SGCZ: variants seen among roughly 807,000 people sequenced by gnomAD.
The protein encoded by SGCZ is zeta-sarcoglycan.
In SGCZ, 40 loss-of-function variants were observed where a neutral mutation model predicts 41.3. The observed-to-expected ratio is 0.97, with a 90% CI of 0.75 to 1.26. SGCZ has a LOEUF of 1.26. SGCZ is among the 50% of genes most tolerant of loss of function. The probability of loss-of-function intolerance (pLI) is 0.00; values close to 1 mark genes in which losing one functional copy is unlikely to be tolerated. For synonymous variants in SGCZ, 206 were observed against 137.5 expected (o/e 1.50, Z -3.49); for missense variants, 552 against 369.8 (o/e 1.49, Z -4.04).
chr8:14,177,958 C>CTTTTTTTTTTTTTTTTT (rs147303437), intron 4 of SGCZ, among the ~76,000 whole-genome samples: 2 of 95,050 alleles, frequency 2.1e-5, no homozygotes, highest in African/African-American at 3.7e-5. Flanking sequence ...CTTTTTTTTT[C>CTTTTTTTTTTTTTTTTT]TTTTTTTTTT....
intron 5 of SGCZ, among the ~76,000 whole-genome samples, chr8:14,156,075 G>C (rs577516142): frequency 6.6e-6 from 1 of 152,304 alleles, no homozygotes; most frequent in South Asian, 2.1e-4. Context: ...CTCTGGATGA[G>C]TCGGTGAGTG....
At chr8:14,848,131 A>G (rs1403574046) in intron 1 of SGCZ, among the ~76,000 whole-genome samples, 1 of 152,148 alleles carries the variant, frequency 6.6e-6, no homozygotes, top group Non-Finnish European at 1.5e-5. Flanking sequence ...GTAGCATAAA[A>G]TTATAAAATT....
At chr8:14,204,481 C>T (rs796710593) in intron 4 of SGCZ, among the ~76,000 whole-genome samples, 13 of 152,118 alleles carry the variant, frequency 8.5e-5, no homozygotes, top group African/African-American at 1.2e-4. Flanking sequence ...CCTTGAAGCA[C>T]GTAAGGTAAA....
intron 1 of SGCZ, among the ~76,000 whole-genome samples, chr8:14,699,699 A>C (rs923124268): frequency 7.2e-5 from 11 of 151,976 alleles, no homozygotes; most frequent in Admixed American, 5.3e-4. Flanking sequence ...ATGGGAATAC[A>C]TCTTCACAAA....
At chr8:15,097,282 T>A (rs1373608689) in intron 1 of SGCZ, among the ~76,000 whole-genome samples, 1 of 152,146 alleles carries the variant, frequency 6.6e-6, no homozygotes, top group African/African-American at 2.4e-5. Context: ...GCCTTTATAA[T>A]CTTATATATT....
chr8:14,538,184 T>A (rs905508336), intron 2 of SGCZ, among the ~76,000 whole-genome samples: 36 of 151,998 alleles, frequency 2.4e-4, no homozygotes, highest in African/African-American at 8.2e-4. Flanking sequence ...CTTGTCCCCA[T>A]CCTACATTTG....
intron 1 of SGCZ, among the ~76,000 whole-genome samples, chr8:14,879,456 CT>C (rs1804494922): frequency 6.6e-6 from 1 of 151,950 alleles, no homozygotes; most frequent in African/African-American, 2.4e-5. Context: ...ACTAGCCAAG[CT>C]TTTTTTGAAT....
chr8:14,187,566 T>C (rs1352906813), intron 4 of SGCZ, among the ~76,000 whole-genome samples: 1 of 151,910 alleles, frequency 6.6e-6, no homozygotes. Flanking sequence ...TTGAGAAATA[T>C]ACTGATTGAA....
intron 2 of SGCZ, among the ~76,000 whole-genome samples, chr8:14,400,258 C>T (rs1799035035): frequency 6.6e-6 from 1 of 151,956 alleles, no homozygotes. Context: ...TTTATCCATT[C>T]ATCAGTTGAC....
chr8:14,611,462 A>G (rs1044729694), intron 1 of SGCZ, among the ~76,000 whole-genome samples: 7 of 152,170 alleles, frequency 4.6e-5, no homozygotes, highest in African/African-American at 1.2e-4. Flanking sequence ...TTTAAATTCC[A>G]TTTTATCGGT....
At chr8:14,316,342 C>A (rs1469733938) in intron 3 of SGCZ, among the ~76,000 whole-genome samples, 1 of 151,928 alleles carries the variant, frequency 6.6e-6, no homozygotes, top group Non-Finnish European at 1.5e-5. Context: ...AAGGAAAGTT[C>A]ATCTCAATAA....
chr8:14,185,531 T>C (rs914892628), intron 4 of SGCZ, among the ~76,000 whole-genome samples: 1 of 152,216 alleles, frequency 6.6e-6, no homozygotes, highest in East Asian at 1.9e-4. Context: ...GCTTCAGACC[T>C]CATTTCATGT....
intron 1 of SGCZ, among the ~76,000 whole-genome samples, chr8:14,829,342 G>C (rs1320617146): frequency 1.3e-5 from 2 of 152,126 alleles, no homozygotes; most frequent in African/African-American, 2.4e-5. Context: ...CAATTCTTCA[G>C]GGATAGACTA....
intron 3 of SGCZ, among the ~76,000 whole-genome samples, chr8:14,257,835 G>A (rs538378297): frequency 6.6e-6 from 1 of 152,010 alleles, no homozygotes; most frequent in African/African-American, 2.4e-5. Context: ...AAATTTCTTT[G>A]GCAATTTGTG....
At chr8:14,629,453 A>G (rs1806574131) in intron 1 of SGCZ, among the ~76,000 whole-genome samples, 3 of 152,168 alleles carry the variant, frequency 2.0e-5, no homozygotes, top group South Asian at 4.1e-4. Context: ...TCCATCAAAA[A>G]TAACTTTATT....
At chr8:14,534,095 G>A (rs10097996) in intron 2 of SGCZ, among the ~76,000 whole-genome samples, 98,951 of 151,792 alleles carry the variant, frequency 0.65, 32,354 homozygotes, top group South Asian at 0.81. Flanking sequence ...GGCTAAAAAG[G>A]TCCCAATACA....
intron 2 of SGCZ, among the ~76,000 whole-genome samples, chr8:14,431,194 A>T (rs1176566468): frequency 6.6e-6 from 1 of 152,198 alleles, no homozygotes; most frequent in Non-Finnish European, 1.5e-5. Context: ...AACAATCCTA[A>T]AATTCATATG....
chr8:14,245,427 C>T, intron 3 of SGCZ, among the ~76,000 whole-genome samples: 1 of 152,116 alleles, frequency 6.6e-6, no homozygotes, highest in African/African-American at 2.4e-5. Flanking sequence ...TTCCTTACAC[C>T]TTAGACAAAA....
chr8:14,246,232 T>G (rs1290779622), intron 3 of SGCZ, among the ~76,000 whole-genome samples: 1 of 152,006 alleles, frequency 6.6e-6, no homozygotes, highest in African/African-American at 2.4e-5. Flanking sequence ...ATTAAGAAAA[T>G]GTGGCACATA....
Sources: allele counts gnomAD v4.1 joint callset (sites outside exome capture counted in the v4.1 genomes callset), GRCh38; gene constraint gnomAD v4.1.1; transcripts MANE v1.5; gene names NCBI Gene and HGNC (gene_info 2026-07-23, HGNC 2026-07-21).